Variants in MAPK10 observed in about 807,000 individuals in gnomAD.
The protein encoded by MAPK10 is mitogen-activated protein kinase 10.
MAPK10 carries 25 observed loss-of-function variants against 59.3 expected under a neutral mutation model. The ratio of observed to expected loss-of-function variants is 0.42; its 90% CI spans 0.31 to 0.59. The LOEUF is 0.59. MAPK10 is among the 20% of genes least tolerant of loss of function. The pLI is 0.15. For synonymous variants in MAPK10, 190 were observed against 200.5 expected (o/e 0.95, Z 0.44); for missense variants, 351 against 568.9 (o/e 0.62, Z 3.90).
intron 3 of MAPK10, among the ~76,000 whole-genome samples, chr4:86,181,224 T>TG (rs2076872868): frequency 6.6e-6 from 1 of 152,018 alleles, no homozygotes; most frequent in African/African-American, 2.4e-5. Flanking sequence ...ATTGAATCGA[T>TG]GAATGGTAAA....
upstream of MAPK10, among the ~76,000 whole-genome samples, chr4:86,363,925 G>C (rs1737406066): frequency 6.6e-6 from 1 of 151,932 alleles, no homozygotes; most frequent in Admixed American, 6.6e-5. Flanking sequence ...TGAGACTACA[G>C]GTGCCTGCCA....
chr4:86,069,348 A>C (rs1383980530), intron 9 of MAPK10, among the ~76,000 whole-genome samples: 1 of 152,096 alleles, frequency 6.6e-6, no homozygotes, highest in Admixed American at 6.5e-5. Context: ...ATGGACTATG[A>C]AGATATGAAA....
At position 86,579,126 on chromosome 4, in the gene MAPK10, C is replaced by T. The variant is rs183487569; in HGVS notation, c.-263+14784G>A. Among the ~76,000 whole-genome samples, 899 of 152,216 alleles carry T rather than the reference C, an allele frequency of 5.9e-3. 7 individuals carry two copies. Among genetic ancestry groups the T allele is most frequent in the African/African-American group, 0.019 (793 of 41,538 alleles). On this transcript the variant is annotated intron_variant, in intron 1 of 4. Transcript: ENST00000502302. ...TGTATCTTTAATTCAACAGGATATA[C>T]GGCAAAGATAGGAAGAAAGATACAA...
intron 9 of MAPK10, among the ~76,000 whole-genome samples, chr4:86,089,826 T>A (rs2052729379): frequency 6.6e-6 from 1 of 152,172 alleles, no homozygotes; most frequent in African/African-American, 2.4e-5. Flanking sequence ...GTTGTCTTAG[T>A]GTCATTGACT....
intron 1 of MAPK10, among the ~76,000 whole-genome samples, chr4:86,387,403 A>T (rs1042435692): frequency 6.6e-5 from 10 of 152,362 alleles, no homozygotes; most frequent in East Asian, 1.9e-4. Flanking sequence ...AAGTTTTTAC[A>T]TTAAACAGGA....
At chr4:86,094,571 A>T (rs1489098965) in intron 9 of MAPK10, among the ~76,000 whole-genome samples, 1 of 151,950 alleles carries the variant, frequency 6.6e-6, no homozygotes, top group Non-Finnish European at 1.5e-5. Flanking sequence ...AGGTTGAAGA[A>T]TGTATCTAAA....
intron 1 of MAPK10, among the ~76,000 whole-genome samples, chr4:86,375,713 TAAAAAAAAAAAAAA>T (rs56189009): frequency 1.2e-4 from 4 of 33,322 alleles, no homozygotes; most frequent in South Asian, 4.5e-3. Flanking sequence ...AGGTCCACTC[TAAAAAAAAAAAAAA>T]AAAAAAAAAA....
intron 1 of MAPK10, among the ~76,000 whole-genome samples, chr4:86,537,739 A>T (rs1758357737): frequency 6.6e-6 from 1 of 152,142 alleles, no homozygotes; most frequent in Admixed American, 6.5e-5. Context: ...TTTCTAGGTT[A>T]TATGTGTGGA....
intron 13 of MAPK10, chr4:86,028,101 G>A (rs1751258127): frequency 6.6e-6 from 1 of 152,252 alleles, no homozygotes; most frequent in Admixed American, 6.5e-5. Context: ...GCCTTAGCAG[G>A]TGGCATCTTG....
exon 1 of MAPK10, chr4:86,453,105 G>T (rs530761256): frequency 6.6e-6 from 1 of 152,390 alleles, no homozygotes; most frequent in African/African-American, 2.4e-5. Flanking sequence ...CTCTGGGCTC[G>T]CTGGGTCCCC....
intron 3 of MAPK10, among the ~76,000 whole-genome samples, chr4:86,188,680 C>G (rs2078884158): frequency 6.6e-6 from 1 of 152,052 alleles, no homozygotes; most frequent in Non-Finnish European, 1.5e-5. Flanking sequence ...AAATGTTCCC[C>G]CATTCTGTGG....
At chr4:86,231,162 G>C (rs916224451) in intron 2 of MAPK10, among the ~76,000 whole-genome samples, 1 of 152,164 alleles carries the variant, frequency 6.6e-6, no homozygotes, top group African/African-American at 2.4e-5. Context: ...TATAACTGCA[G>C]TGTAGATATT....
At chr4:86,406,733 AC>A (rs1478255027) in intron 1 of MAPK10, among the ~76,000 whole-genome samples, 1 of 152,220 alleles carries the variant, frequency 6.6e-6, no homozygotes, top group Admixed American at 6.5e-5. Context: ...GGGCTTACAT[AC>A]AGCAGAAAGA....
intron 1 of MAPK10, among the ~76,000 whole-genome samples, chr4:86,548,410 CAGTG>C (rs781715908): frequency 1.5e-4 from 23 of 152,162 alleles, no homozygotes; most frequent in Non-Finnish European, 2.1e-4. Flanking sequence ...TTCCTGAAGT[CAGTG>C]AGACCAAGAA....
At chr4:86,031,800 G>A (rs559236806) in intron 11 of MAPK10, 144 of 180,720 alleles carry the variant, frequency 8.0e-4, no homozygotes, top group Non-Finnish European at 1.5e-3. Flanking sequence ...TCATTCACTT[G>A]CCTTATAACA....
intron 11 of MAPK10, among the ~76,000 whole-genome samples, chr4:86,058,075 A>G (rs901685473): frequency 6.7e-6 from 1 of 149,828 alleles, no homozygotes; most frequent in African/African-American, 2.5e-5. Flanking sequence ...TGCCAAGACT[A>G]TCAGGTTGGT....
At chr4:86,462,772 A>T (rs923027890) in intron 1 of MAPK10, among the ~76,000 whole-genome samples, 1 of 152,190 alleles carries the variant, frequency 6.6e-6, no homozygotes, top group African/African-American at 2.4e-5. Flanking sequence ...TTCTAATTCT[A>T]GAACAGTTAT....
intron 2 of MAPK10, among the ~76,000 whole-genome samples, chr4:86,263,518 C>T (rs775220684): frequency 6.6e-6 from 1 of 152,078 alleles, no homozygotes; most frequent in African/African-American, 2.4e-5. Context: ...CCTTGCTTTA[C>T]TTTCCCTGGT....
chr4:86,285,233 T>C (rs2094955605), intron 2 of MAPK10, among the ~76,000 whole-genome samples: 1 of 152,084 alleles, frequency 6.6e-6, no homozygotes, highest in African/African-American at 2.4e-5. Flanking sequence ...CTTTTTTTTT[T>C]TTGAGATGGA....
Sources: allele counts gnomAD v4.1 joint callset (sites outside exome capture counted in the v4.1 genomes callset), GRCh38; gene constraint gnomAD v4.1.1; transcripts MANE v1.5; gene names NCBI Gene and HGNC (gene_info 2026-07-23, HGNC 2026-07-21).